Variants in LY75 observed in about 807,000 individuals in gnomAD.
The protein encoded by LY75 is lymphocyte antigen 75.
A neutral mutation model predicts 231.7 loss-of-function variants in LY75; 185 were observed. That is an observed-to-expected ratio of 0.80 (90% CI 0.71 to 0.90). The LOEUF (loss-of-function observed/expected upper bound fraction) is 0.90, where lower values mean the gene tolerates loss of function less well. LY75 is among the 40% of genes least tolerant of loss of function. LY75 has a pLI of 0.00. For synonymous variants in LY75, 668 were observed against 689.0 expected (o/e 0.97, Z 0.48); for missense variants, 1,947 against 2,050.2 (o/e 0.95, Z 0.97).
intron 28 of LY75, among the ~76,000 whole-genome samples, chr2:159,822,754 A>C (rs1453153026): frequency 6.6e-6 from 1 of 152,160 alleles, no homozygotes; most frequent in Non-Finnish European, 1.5e-5. Flanking sequence ...CCCTCTGGGA[A>C]GAAGCTTCCA....
At position 159,835,559 on chromosome 2, in the gene LY75, TAC is replaced by T. The variant is rs779262957; in HGVS notation, c.3592_3593del (p.Val1198SerfsTer5). 1.1e-5 allele frequency: 18 copies of T among 1,613,780 alleles called. No individual in the cohort carries two copies. In the African/African-American group the frequency reaches 1.3e-4, roughly 12 times the overall value. On this transcript the variant is annotated frameshift_variant, in exon 26 of 35. Coordinates refer to ENST00000263636, the MANE Select transcript of LY75 (RefSeq NM_002349.4). LOFTEE classifies it high-confidence loss of function. ...TCCAGAATCCATCAGTGTCTAATAC[TAC>T]ACAGTCTTCGAGTTGCCCATTAGTT... ...AETNGQLEDC[V>X]VLDTDGFWKT...
At chr2:159,835,671 G>A (rs370853974) in intron 25 of LY75, 26 bp from the exon 26 acceptor site, 1 of 1,606,576 alleles carries the variant, frequency 6.2e-7, no homozygotes, top group Non-Finnish European at 8.5e-7. Context: ...GTACATTTCA[G>A]GTGGCAATAT....
chr2:159,865,773 C>G (rs1560088832), intron 13 of LY75, among the ~76,000 whole-genome samples: 1 of 152,006 alleles, frequency 6.6e-6, no homozygotes, highest in Non-Finnish European at 1.5e-5. Context: ...ATCTGAATGC[C>G]AGTATTCAGA....
rs1457113763 is a variant in LY75 at position 159,879,328 on chromosome 2, T to G, written c.1446A>C (p.Lys482Asn). The G allele has an allele frequency of 6.2e-7, 1 of 1,613,754 alleles. No homozygotes were observed. ...TTTCTCCCTTTCTCTTGCATACATA[T>G]TTTAGTTTCTCCTCACATGATTGGA... ...WKVQSCEEKL[K>N]YVCKRKGEKL... is the part of the protein sequence containing the mutation. Residue 482 changes from lysine (K) to asparagine (N), a missense_variant, in exon 9 of 35, where the codon AAA (lysine) becomes AAC (asparagine). Coordinates refer to ENST00000263636, the MANE Select transcript of LY75 (RefSeq NM_002349.4).
chr2:159,837,452 G>A (rs1312589954), intron 25 of LY75, among the ~76,000 whole-genome samples: 1 of 152,178 alleles, frequency 6.6e-6, no homozygotes, highest in Non-Finnish European at 1.5e-5. Flanking sequence ...GGGTACACAT[G>A]GATGTAAAGA....
At chr2:159,883,154 A>G (rs1178241326) in intron 6 of LY75, among the ~76,000 whole-genome samples, 1 of 138,976 alleles carries the variant, frequency 7.2e-6, no homozygotes, top group African/African-American at 2.7e-5. Flanking sequence ...GGGGGGAGGG[A>G]TAGCATTGGG....
chr2:159,895,768 A>G (rs1273637180), intron 2 of LY75, among the ~76,000 whole-genome samples: 1 of 152,238 alleles, frequency 6.6e-6, no homozygotes, highest in East Asian at 1.9e-4. Context: ...CTGGGCTTCA[A>G]TTAATAAGCT....
At chr2:159,881,352 A>AG in intron 7 of LY75, 112 bp from the exon 8 acceptor site, 1 of 1,269,844 alleles carries the variant, frequency 7.9e-7, no homozygotes, top group South Asian at 1.8e-5. Flanking sequence ...CCTTTGTAGT[A>AG]TTCTTAATTC....
intron 23 of LY75, among the ~76,000 whole-genome samples, chr2:159,848,644 T>A (rs1437485752): frequency 1.3e-5 from 2 of 152,140 alleles, no homozygotes; most frequent in Non-Finnish European, 2.9e-5. Context: ...GTATATATAC[T>A]ATGATCTCAC....
At chr2:159,879,097 A>T (rs944500084) in intron 9 of LY75, among the ~76,000 whole-genome samples, 162 bp downstream of exon 9, 1 of 152,222 alleles carries the variant, frequency 6.6e-6, no homozygotes, top group Non-Finnish European at 1.5e-5. Flanking sequence ...AAGAAGGCCA[A>T]TATGCTATGA....
intron 3 of LY75, among the ~76,000 whole-genome samples, chr2:159,893,613 T>C (rs756337289): frequency 3.3e-5 from 5 of 152,174 alleles, no homozygotes; most frequent in Non-Finnish European, 5.9e-5. Flanking sequence ...CTGAAACTAC[T>C]AAAGGTCAGC....
At chr2:159,874,668 ATT>A (rs1685179374) in intron 12 of LY75, among the ~76,000 whole-genome samples, 1 of 109,172 alleles carries the variant, frequency 9.2e-6, no homozygotes, top group Non-Finnish European at 1.8e-5. Context: ...ATATATATAT[ATT>A]TTGTAAATAT....
At chr2:159,876,919 G>T (rs1011234359) in intron 11 of LY75, among the ~76,000 whole-genome samples, 1 of 140,964 alleles carries the variant, frequency 7.1e-6, no homozygotes, top group Non-Finnish European at 1.5e-5. Flanking sequence ...TGAGGCAGGA[G>T]AATTGTTTGT....
chr2:159,835,722 T>C (rs1446642566), intron 25 of LY75, 77 bp from the exon 26 acceptor site: 17 of 1,538,474 alleles, frequency 1.1e-5, no homozygotes, highest in Non-Finnish European at 7.0e-6. Flanking sequence ...CCATGGTCAA[T>C]CTAATGATTT....
Position 159,874,830 on chromosome 2 carries a change from A to AT in LY75, c.1974+613dup, listed in dbSNP as rs1232108900. 1.3e-4 allele frequency among the ~76,000 whole-genome samples: 10 copies of AT among 77,884 alleles called. No homozygotes were observed. In the East Asian group the frequency reaches 3.4e-3, roughly 26 times the overall value. 51.1% of individuals were successfully genotyped at this position (77,884 alleles called of 152,430 possible). On this transcript the variant is annotated intron_variant, in intron 12 of 34. Transcript: ENST00000263636. ...TTTGTAAATTTATGTAAATATATAT[A>AT]TTTTGTAAATATATGTAAATATATA...
At chr2:159,813,759 T>C (rs1291403176) in intron 31 of LY75, 1 of 152,256 alleles carries the variant, frequency 6.6e-6, no homozygotes, top group Non-Finnish European at 1.5e-5. Context: ...ATTCTAAGGT[T>C]CTGACTGGAC....
At chr2:159,902,288 C>A (rs1686104738) in intron 1 of LY75, 1 of 152,166 alleles carries the variant, frequency 6.6e-6, no homozygotes, top group South Asian at 2.1e-4. Context: ...CTCATTACCC[C>A]CTAGATGCAT....
intron 29 of LY75, among the ~76,000 whole-genome samples, chr2:159,818,791 A>C (rs910348650): frequency 2.7e-5 from 4 of 147,604 alleles, no homozygotes; most frequent in Middle Eastern, 3.5e-3. Context: ...TGAAAAGTTT[A>C]TTAAAGATGT....
At chr2:159,821,136 C>A (rs1031533307) in intron 28 of LY75, among the ~76,000 whole-genome samples, 1 of 151,638 alleles carries the variant, frequency 6.6e-6, no homozygotes, top group Non-Finnish European at 1.5e-5. Context: ...CCGTGCCTGG[C>A]CAGTCAATTG....
Sources: allele counts gnomAD v4.1 joint callset (sites outside exome capture counted in the v4.1 genomes callset), GRCh38; gene constraint gnomAD v4.1.1; transcripts MANE v1.5; gene names NCBI Gene and HGNC (gene_info 2026-07-23, HGNC 2026-07-21).